YEATS2: variants seen among roughly 807,000 people sequenced by gnomAD.
YEATS2 encodes YEATS domain-containing protein 2.
A neutral mutation model predicts 163.2 loss-of-function variants in YEATS2; 77 were observed. That is an observed-to-expected ratio of 0.47 (90% CI 0.39 to 0.57). The LOEUF (loss-of-function observed/expected upper bound fraction) is 0.57, where lower values mean the gene tolerates loss of function less well. Among genes scored for constraint, YEATS2 ranks in the 20% least tolerant of loss-of-function variants. The pLI, the probability that YEATS2 is intolerant of heterozygous loss-of-function variation, is 0.00. For missense variants in YEATS2, 1,549 were observed against 1,729.8 expected, an observed-to-expected ratio of 0.90 and a Z score of 1.85; for synonymous variants, 631 against 645.1, an observed-to-expected ratio of 0.98 and a Z score of 0.33.
chr3:183,785,488 C>CA (rs146941322), intron 19 of YEATS2, among the ~76,000 whole-genome samples: 1,285 of 51,592 alleles, frequency 0.025, 10 homozygotes, highest in African/African-American at 0.044. Context: ...GACTCTGTCT[C>CA]AAAAAAAAAA....
At chr3:183,758,620 A>G (rs1253432658) in intron 12 of YEATS2, among the ~76,000 whole-genome samples, 1 of 152,140 alleles carries the variant, frequency 6.6e-6, no homozygotes, top group African/African-American at 2.4e-5. Flanking sequence ...TGACTTTACT[A>G]CTTATTCTTC....
rs1722952216 is a variant in YEATS2, at chr3:183,775,973, AG to A, written c.2429del (p.Gly810GlufsTer38). On this transcript the variant is annotated frameshift_variant, in exon 18 of 31. Coordinates refer to ENST00000305135, the MANE Select transcript of YEATS2 (RefSeq NM_018023.5). LOFTEE classifies it high-confidence loss of function. ...GTGGTGCCGGAGGAGGAGGAGGAGGAGGAGGAGGAGGCGGCAGTGGCAGCGG... is the reference window on the plus strand; with the variant it reads ...GTGGTGCCGGAGGAGGAGGAGGAGGAGAGGAGGAGGCGGCAGTGGCAGCGG... ...GSGAGGGGGG[G>X]GGGGSGSGGG... 4 of 1,608,342 alleles carry A rather than the reference AG, an allele frequency of 2.5e-6. No homozygotes were observed. Among genetic ancestry groups the A allele is most frequent in the Non-Finnish European group, 3.4e-6 (4 of 1,177,028 alleles).
chr3:183,751,998 A>G (rs1237757344), intron 9 of YEATS2, 75 bp from the exon 10 acceptor site: 3 of 1,524,144 alleles, frequency 2.0e-6, no homozygotes, highest in Non-Finnish European at 1.8e-6. Context: ...CGGAGATTAC[A>G]TTCTTGGACG....
intron 23 of YEATS2, 22 bp from the exon 24 acceptor site, chr3:183,800,444 C>G: frequency 1.3e-6 from 2 of 1,595,754 alleles, no homozygotes; most frequent in East Asian, 4.5e-5. Context: ...ACAGCTGCCT[C>G]TTTGTTGCTC....
intron 20 of YEATS2, 99 bp from the exon 21 acceptor site, chr3:183,790,694 AATAG>A: frequency 7.9e-7 from 1 of 1,271,294 alleles, no homozygotes; most frequent in Non-Finnish European, 1.1e-6. Context: ...ATTAACACCT[AATAG>A]ATGATATTTA....
At chr3:183,768,013 G>T (rs369223293) in intron 15 of YEATS2, among the ~76,000 whole-genome samples, 1 of 152,238 alleles carries the variant, frequency 6.6e-6, no homozygotes, top group Non-Finnish European at 1.5e-5. Flanking sequence ...AGTAGATTCT[G>T]TGTAATTTAA....
At chr3:183,753,834 G>A (rs1720436924) in intron 10 of YEATS2, among the ~76,000 whole-genome samples, 1 of 152,018 alleles carries the variant, frequency 6.6e-6, no homozygotes, top group African/African-American at 2.4e-5. Context: ...CAGTTTTTCA[G>A]TTTATATATT....
intron 17 of YEATS2, 115 bp from the exon 18 acceptor site, chr3:183,775,800 G>T: frequency 6.7e-7 from 1 of 1,500,650 alleles, no homozygotes. Flanking sequence ...AGGAAAATGG[G>T]AAAGAAGAAG....
intron 6 of YEATS2, among the ~76,000 whole-genome samples, chr3:183,727,439 A>C (rs1025440968): frequency 1.3e-5 from 2 of 152,050 alleles, no homozygotes; most frequent in Admixed American, 6.6e-5. Flanking sequence ...CCTGTCTTGT[A>C]AAGTTGTCAT....
At chr3:183,804,575 G>T (rs532244118) in intron 27 of YEATS2, among the ~76,000 whole-genome samples, 31 of 152,346 alleles carry the variant, frequency 2.0e-4, no homozygotes, top group Admixed American at 7.8e-4. Context: ...TGAAGATGAG[G>T]CCTGTGTCTC....
At chr3:183,790,713 G>T in intron 20 of YEATS2, 84 bp from the exon 21 acceptor site, 4 of 1,433,744 alleles carry the variant, frequency 2.8e-6, no homozygotes, top group Non-Finnish European at 3.9e-6. Context: ...TATTTAGTGT[G>T]TGTGCTGTGT....
chr3:183,751,680 G>A (rs768414888), intron 9 of YEATS2, among the ~76,000 whole-genome samples: 6 of 152,188 alleles, frequency 3.9e-5, no homozygotes, highest in South Asian at 4.1e-4. Flanking sequence ...GGGGGATAAG[G>A]AAGTAGCTTA....
In YEATS2 at chr3:183,702,326, C is replaced by G. The variant is rs993619589; in HGVS notation, c.-20+4333C>G. Among the ~76,000 whole-genome samples the G allele has an allele frequency of 1.3e-4, 20 of 151,878 alleles. 1 individual carries two copies. Among genetic ancestry groups the G allele is most frequent in the African/African-American group, 4.8e-4 (20 of 41,342 alleles). ...CGGGTGTGGTGGTGCGTGCCTGTAA[C>G]CCCAGCTACTTGGGAGGCTGTGGCT... On this transcript the variant is annotated intron_variant, in intron 1 of 30. Transcript: ENST00000305135.
intron 19 of YEATS2, among the ~76,000 whole-genome samples, chr3:183,780,746 C>G (rs912456043): frequency 2.6e-5 from 4 of 152,114 alleles, no homozygotes; most frequent in Admixed American, 1.3e-4. Flanking sequence ...CAGCATTTAG[C>G]TAATCAAGTG....
chr3:183,807,053 A>G lies in YEATS2; in HGVS notation c.3972A>G (p.Pro1324=). 3 of 1,614,068 alleles carry G rather than the reference A, an allele frequency of 1.9e-6. No individual in the cohort carries two copies. The highest frequency in any genetic ancestry group is 2.5e-6 in the Non-Finnish European group (3 of 1,180,014). ...KQEEVKFYLP[P]TPGSEFIGDV... ...AGGAAGTCAAGTTCTACCTGCCACC[A>G]ACCCCAGGGTCTGAATTTATTGGGG... Residue 1324 remains proline, a synonymous_variant, in exon 28 of 31, where the codon CCA becomes CCG. Transcript: ENST00000305135.
chr3:183,715,385 G>T, intron 2 of YEATS2, 123 bp downstream of exon 2: 1 of 677,680 alleles, frequency 1.5e-6, no homozygotes, highest in South Asian at 2.0e-5. Context: ...TCGTGAGAGA[G>T]ATTAGCTAAG....
At chr3:183,741,156 CTCAAACTCCTGAACTCAAGTGA>C (rs1029405844) in intron 8 of YEATS2, among the ~76,000 whole-genome samples, 1 of 151,738 alleles carries the variant, frequency 6.6e-6, no homozygotes, top group African/African-American at 2.4e-5. Context: ...CCTGGCTGGT[CTCAAACTCCTGAACTCAAGTGA>C]TCCACCCGCC....
At chr3:183,728,948 C>A in intron 7 of YEATS2, 97 bp downstream of exon 7, 1 of 1,315,090 alleles carries the variant, frequency 7.6e-7, no homozygotes, top group Non-Finnish European at 1.0e-6. Context: ...CCTGGAAATG[C>A]AGTAGTAATT....
chr3:183,764,807 C>CA (rs1482127406), intron 15 of YEATS2, among the ~76,000 whole-genome samples: 1 of 151,914 alleles, frequency 6.6e-6, no homozygotes, highest in African/African-American at 2.4e-5. Flanking sequence ...AACTCCATCT[C>CA]AAAAAAATAA....
Sources: allele counts gnomAD v4.1 joint callset (sites outside exome capture counted in the v4.1 genomes callset), GRCh38; gene constraint gnomAD v4.1.1; transcripts MANE v1.5; gene names NCBI Gene and HGNC (gene_info 2026-07-23, HGNC 2026-07-21).